USP24: variants seen among roughly 807,000 people sequenced by gnomAD.
USP24 encodes ubiquitin carboxyl-terminal hydrolase 24.
In USP24, 97 loss-of-function variants were observed where a neutral mutation model predicts 361.6. The observed-to-expected ratio is 0.27, with a 90% CI of 0.23 to 0.32. The LOEUF is 0.32. Ranked by LOEUF, USP24 falls within the 10% of genes least tolerant of loss-of-function variation. The probability of loss-of-function intolerance (pLI) is 1.00; values close to 1 mark genes in which losing one functional copy is unlikely to be tolerated. For missense variants in USP24, 2,353 were observed against 3,165.6 expected (o/e 0.74, Z 6.16); for synonymous variants, 1,098 against 1,124.6 (o/e 0.98, Z 0.47).
chr1:55,115,948 A>G (rs989842615), intron 38 of USP24, among the ~76,000 whole-genome samples: 9 of 152,160 alleles, frequency 5.9e-5, no homozygotes, highest in African/African-American at 1.7e-4. Flanking sequence ...GTTCTCACTC[A>G]TAAGTGGGAG....
chr1:55,071,618 C>A, intron 67 of USP24, 196 bp downstream of exon 67: 1 of 1,166,494 alleles, frequency 8.6e-7, no homozygotes, highest in African/African-American at 1.5e-5. Context: ...TCACTTCACA[C>A]TGCAGCACTA....
chr1:55,133,576 T>C (rs893541635), intron 30 of USP24, among the ~76,000 whole-genome samples: 2 of 152,038 alleles, frequency 1.3e-5, no homozygotes, highest in Non-Finnish European at 2.9e-5. Context: ...TTTATATAAA[T>C]ACTTTAAAAG....
At chr1:55,135,807 T>C (rs2100662436) in intron 28 of USP24, among the ~76,000 whole-genome samples, 1 of 152,334 alleles carries the variant, frequency 6.6e-6, no homozygotes, top group South Asian at 2.1e-4. Context: ...TAAATACCTT[T>C]ACTTTACATT....
intron 1 of USP24, among the ~76,000 whole-genome samples, chr1:55,184,579 A>C (rs1644073780): frequency 6.6e-6 from 1 of 152,304 alleles, no homozygotes; most frequent in African/African-American, 2.4e-5. Flanking sequence ...TATAAACCAA[A>C]TAGACCTAAA....
At chr1:55,203,018 G>A (rs1301086278) in intron 1 of USP24, among the ~76,000 whole-genome samples, 2 of 152,180 alleles carry the variant, frequency 1.3e-5, no homozygotes, top group African/African-American at 4.8e-5. Context: ...TATTGTAATT[G>A]TTCTATTTAT....
chr1:55,101,017 A>G (rs1301522334), intron 43 of USP24, 53 bp from the exon 44 acceptor site: 2 of 1,582,822 alleles, frequency 1.3e-6, no homozygotes, highest in Non-Finnish European at 8.6e-7. Context: ...GCTTCACAGG[A>G]AACTCTGACA....
intron 44 of USP24, 36 bp from the exon 45 acceptor site, chr1:55,099,905 G>T: frequency 6.8e-7 from 1 of 1,468,450 alleles, no homozygotes; most frequent in Non-Finnish European, 9.2e-7. Context: ...TAAAGGAAAA[G>T]TAGCAATTTC....
intron 44 of USP24, 140 bp downstream of exon 44, chr1:55,100,699 A>C (rs1645611390): frequency 2.3e-6 from 2 of 878,674 alleles, no homozygotes; most frequent in Non-Finnish European, 1.6e-6. Context: ...AATTTCAACA[A>C]TGGTATACCA....
chr1:55,191,129 A>G (rs1211644355), intron 1 of USP24, among the ~76,000 whole-genome samples: 1 of 152,204 alleles, frequency 6.6e-6, no homozygotes, highest in Non-Finnish European at 1.5e-5. Context: ...GTCACTTTTA[A>G]CCTGAAAAAT....
chr1:55,139,188 C>A (rs1646820729), intron 24 of USP24, among the ~76,000 whole-genome samples, 178 bp from the exon 25 acceptor site: 1 of 152,178 alleles, frequency 6.6e-6, no homozygotes, highest in Non-Finnish European at 1.5e-5. Flanking sequence ...AAGCTCACAG[C>A]TGTAGCATAC....
At position 55,089,636 on chromosome 1, in the gene USP24, T is replaced by G; in HGVS notation, c.6659A>C (p.Glu2220Ala). 1 of 1,581,936 alleles carries G rather than the reference T, an allele frequency of 6.3e-7. No homozygotes were observed. The highest frequency in any genetic ancestry group is 8.6e-7 in the Non-Finnish European group (1 of 1,162,998). ...AGACTCCAACACTTACTTTATCAATTCTCGTCCTTCAGAACTAATAAAATA... is the reference window on the plus strand; with the variant it reads ...AGACTCCAACACTTACTTTATCAATGCTCGTCCTTCAGAACTAATAAAATA... ...VEYFISSEGR[E>A]LIKIFLLECN... Residue 2220 changes from glutamate (E) to alanine (A), a missense_variant, in exon 55 of 68, where the codon GAA (glutamate) becomes GCA (alanine). By Grantham distance (107) the Glu-to-Ala change is moderately radical (BLOSUM62 -1). Transcript: ENST00000294383.
rs1257083604 is a variant in USP24 at position 55,109,114 on chromosome 1, G to A, written c.4570+1071C>T. Among the ~76,000 whole-genome samples, 5 of 152,250 alleles carry A rather than the reference G, an allele frequency of 3.3e-5. No individual in the cohort carries two copies. In the East Asian group the frequency reaches 7.7e-4, roughly 24 times the overall value. On this transcript the variant is annotated intron_variant, in intron 39 of 67. Coordinates refer to ENST00000294383, the MANE Select transcript of USP24 (RefSeq NM_015306.3). Reference sequence around the variant, plus strand: ...AGCGATTCTCCTGCTTCGGCCTCCCGAGCAGCTGGGATTACAGGCACGTGC... The same window carrying A: ...AGCGATTCTCCTGCTTCGGCCTCCCAAGCAGCTGGGATTACAGGCACGTGC...
At chr1:55,171,753 A>T (rs777101383) in intron 4 of USP24, 75 bp from the exon 5 acceptor site, 3 of 1,480,232 alleles carry the variant, frequency 2.0e-6, no homozygotes, top group Admixed American at 2.1e-5. Flanking sequence ...AAAAGAAGAT[A>T]AAAATATAGC....
Position 55,097,164 on chromosome 1 carries a change from C to A in USP24, c.5724G>T (p.Trp1908Cys). 1 of 1,613,840 alleles carries A rather than the reference C, an allele frequency of 6.2e-7. No homozygotes were observed. The highest frequency in any genetic ancestry group is 1.1e-5 in the South Asian group (1 of 91,062). Reference protein sequence around the residue: ...IKYDEQIRFPWMLNMEPYTVS... With the variant: ...IKYDEQIRFPCMLNMEPYTVS... ...CTGTGTAAGGCTCCATGTTTAGCAT[C>A]CAGGGAAACTATGTAGAAGCAAAAA... The change falls in exon 49 of 68, where the codon TGG becomes TGT. Residue 1908 changes from tryptophan to cysteine, a missense_variant. Transcript: ENST00000294383.
chr1:55,073,769 T>A, intron 64 of USP24, 59 bp downstream of exon 64: 1 of 1,455,994 alleles, frequency 6.9e-7, no homozygotes, highest in Non-Finnish European at 9.4e-7. Context: ...CCCCTTCTGC[T>A]CATATGTGAC....
At chr1:55,174,282 A>G (rs761345901) in intron 3 of USP24, among the ~76,000 whole-genome samples, 1 of 152,218 alleles carries the variant, frequency 6.6e-6, no homozygotes, top group Non-Finnish European at 1.5e-5. Flanking sequence ...CGAGAAACAC[A>G]GCTAGGTAAG....
chr1:55,198,309 C>T (rs151284364), intron 1 of USP24, among the ~76,000 whole-genome samples: 496 of 152,224 alleles, frequency 3.3e-3, no homozygotes, highest in African/African-American at 0.011. Flanking sequence ...AAAGATACTC[C>T]ATGTTCTCTC....
intron 1 of USP24, among the ~76,000 whole-genome samples, chr1:55,180,075 T>C (rs1643917852): frequency 6.6e-6 from 1 of 152,218 alleles, no homozygotes; most frequent in South Asian, 2.1e-4. Context: ...TCTCTGGGAT[T>C]TAGCTTCTTG....
At chr1:55,106,035 AT>A (rs1214349585) in intron 41 of USP24, 110 bp downstream of exon 41, 4 of 839,088 alleles carry the variant, frequency 4.8e-6, no homozygotes, top group Admixed American at 2.1e-5. Flanking sequence ...ATAATATAGG[AT>A]ACACAGACTC....
Sources: allele counts gnomAD v4.1 joint callset (sites outside exome capture counted in the v4.1 genomes callset), GRCh38; gene constraint gnomAD v4.1.1; transcripts MANE v1.5; gene names NCBI Gene and HGNC (gene_info 2026-07-23, HGNC 2026-07-21).